Variants in LEPR observed in about 807,000 individuals in gnomAD.
LEPR encodes leptin receptor, also known as OB receptor.
LEPR carries 56 observed loss-of-function variants against 114.7 expected under a neutral mutation model. The ratio of observed to expected loss-of-function variants is 0.49; its 90% CI spans 0.39 to 0.61. LEPR has a LOEUF of 0.61. Among genes scored for constraint, LEPR ranks in the 20% least tolerant of loss-of-function variants. LEPR has a pLI of 0.00. For synonymous variants in LEPR, 443 were observed against 461.4 expected (o/e 0.96, Z 0.51); for missense variants, 1,202 against 1,352.9 (o/e 0.89, Z 1.75).
At chr1:65,450,246 T>C (rs926066227) in intron 2 of LEPR, among the ~76,000 whole-genome samples, 7 of 152,170 alleles carry the variant, frequency 4.6e-5, no homozygotes, top group African/African-American at 1.7e-4. Context: ...CATAGATTTT[T>C]TTTTTGTTCC....
intron 2 of LEPR, among the ~76,000 whole-genome samples, chr1:65,550,039 C>T (rs907007478): frequency 6.7e-4 from 102 of 152,302 alleles, no homozygotes; most frequent in African/African-American, 2.4e-3. Context: ...ACAGACAGGA[C>T]CCTCAGCTGC....
intron 4 of LEPR, among the ~76,000 whole-genome samples, chr1:65,571,509 C>T (rs954083243): frequency 1.3e-5 from 2 of 151,968 alleles, no homozygotes; most frequent in Admixed American, 1.3e-4. Context: ...TCAATTGACT[C>T]ATCCATGTAG....
At chr1:65,598,550 C>A in intron 7 of LEPR, 110 bp from the exon 8 acceptor site, 1 of 1,476,808 alleles carries the variant, frequency 6.8e-7, no homozygotes, top group Non-Finnish European at 9.2e-7. Context: ...CAGATAACTA[C>A]TGTGTAAGAT....
chr1:65,490,891 A>G (rs1323600471), intron 2 of LEPR, among the ~76,000 whole-genome samples: 1 of 152,144 alleles, frequency 6.6e-6, no homozygotes, highest in Non-Finnish European at 1.5e-5. Flanking sequence ...AGAAGGAGAA[A>G]GAACTGTGAC....
intron 2 of LEPR, among the ~76,000 whole-genome samples, chr1:65,474,362 G>A (rs1189921291): frequency 1.3e-5 from 2 of 152,110 alleles, no homozygotes; most frequent in Non-Finnish European, 2.9e-5. Context: ...TTAAAACTGA[G>A]CAAATATTTG....
Position 65,484,448 on chromosome 1 carries a change from G to C in LEPR, c.-21+59070G>C, listed in dbSNP as rs1570538143. On this transcript the variant is annotated intron_variant, in intron 2 of 19. Coordinates refer to ENST00000349533, the MANE Select transcript of LEPR (RefSeq NM_002303.6). ...CACTTGTTTTTTAAACTAATGATTTGCTTTCAAGTCAGTGTTGTCACACGT... is the reference window on the plus strand; with the variant it reads ...CACTTGTTTTTTAAACTAATGATTTCCTTTCAAGTCAGTGTTGTCACACGT... Among the ~76,000 whole-genome samples the C allele has an allele frequency of 1.3e-5, 2 of 151,628 alleles. 1 individual carries two copies. The highest frequency in any genetic ancestry group is 4.2e-4 in the South Asian group (2 of 4,798).
At chr1:65,469,972 G>A (rs1485147399) in intron 2 of LEPR, among the ~76,000 whole-genome samples, 2 of 151,562 alleles carry the variant, frequency 1.3e-5, no homozygotes, top group Non-Finnish European at 1.5e-5. Context: ...AGAGTCAGCC[G>A]GGAAGCCTTC....
chr1:65,607,426 C>T lies in LEPR; in HGVS notation c.1604-1327C>T, dbSNP rs533354881. Among the ~76,000 whole-genome samples the T allele has an allele frequency of 3.3e-5, 5 of 152,242 alleles. No individual in the cohort carries two copies. The South Asian group carries it at 8.3e-4, about 25-fold the overall frequency. On this transcript the variant is annotated intron_variant, in intron 11 of 19. Transcript: ENST00000349533. ...AGGCATTGACCTTTTAGGTTCTGAGCCGTGGGCAGGTGTGGAGGGCATCCA... is the reference window on the plus strand; with the variant it reads ...AGGCATTGACCTTTTAGGTTCTGAGTCGTGGGCAGGTGTGGAGGGCATCCA...
In LEPR at chr1:65,442,173, A is replaced by G. The variant is rs1413543182; in HGVS notation, c.-21+16795A>G. ...ATGAGACTTAAGCCCTTTTTAAAAA[A>G]ATAAAATAAAATGAAAAGGTGATTC... On this transcript the variant is annotated intron_variant, in intron 2 of 19. Transcript: ENST00000349533. Among the ~76,000 whole-genome samples the G allele has an allele frequency of 2.0e-5, 3 of 152,184 alleles. No individual in the cohort carries two copies. The East Asian group carries it at 5.8e-4, about 29-fold the overall frequency.
chr1:65,489,487 T>C (rs1647753108), intron 2 of LEPR, among the ~76,000 whole-genome samples: 1 of 152,112 alleles, frequency 6.6e-6, no homozygotes, highest in African/African-American at 2.4e-5. Context: ...TCCTATAGAG[T>C]TGTTTGAGTT....
chr1:65,454,209 A>G (rs1249204643), intron 2 of LEPR, among the ~76,000 whole-genome samples: 2 of 152,134 alleles, frequency 1.3e-5, no homozygotes, highest in Non-Finnish European at 2.9e-5. Context: ...TGAATACAGC[A>G]CACTGATGGG....
At chr1:65,488,396 G>A (rs1035199363) in intron 2 of LEPR, among the ~76,000 whole-genome samples, 1 of 145,390 alleles carries the variant, frequency 6.9e-6, no homozygotes, top group Non-Finnish European at 1.5e-5. Context: ...GCATGATTAT[G>A]GCTCACTACA....
chr1:65,517,582 C>T (rs941406002), intron 2 of LEPR, among the ~76,000 whole-genome samples: 5 of 152,256 alleles, frequency 3.3e-5, no homozygotes, highest in African/African-American at 9.6e-5. Flanking sequence ...TACTCAGTAA[C>T]ATTTTTACTC....
chr1:65,506,328 G>A (rs1460630123), intron 2 of LEPR, among the ~76,000 whole-genome samples: 1 of 152,140 alleles, frequency 6.6e-6, no homozygotes, highest in Non-Finnish European at 1.5e-5. Context: ...AATTGAAGTG[G>A]TTATTTTTGT....
intron 3 of LEPR, among the ~76,000 whole-genome samples, chr1:65,565,934 T>C (rs2100785386): frequency 6.6e-6 from 1 of 152,126 alleles, no homozygotes; most frequent in South Asian, 2.1e-4. Context: ...AAAATAGCAC[T>C]GGTCTGTACA....
At chr1:65,453,404 C>A (rs1646817326) in intron 2 of LEPR, among the ~76,000 whole-genome samples, 2 of 152,012 alleles carry the variant, frequency 1.3e-5, no homozygotes, top group Admixed American at 1.3e-4. Context: ...CCTGCTTTCT[C>A]TTGTGGGCAT....
At chr1:65,514,975 T>A (rs1487265578) in intron 2 of LEPR, among the ~76,000 whole-genome samples, 1 of 152,216 alleles carries the variant, frequency 6.6e-6, no homozygotes, top group Non-Finnish European at 1.5e-5. Context: ...TGTTTCATGA[T>A]AAAATGGAAA....
intron 6 of LEPR, among the ~76,000 whole-genome samples, chr1:65,593,672 TC>T (rs1655856505): frequency 6.6e-6 from 1 of 152,070 alleles, no homozygotes; most frequent in Non-Finnish European, 1.5e-5. Flanking sequence ...TTTACTTCTT[TC>T]TAAGTTACTC....
rs148626740 is a variant in LEPR, at chr1:65,581,641, C to G, written c.494+9192C>G. ...TTCTCTGTCTTCTCTTTGATCTTTGCTCAGAAGGCATTTCTTAATTTTAAC... is the reference window on the plus strand; with the variant it reads ...TTCTCTGTCTTCTCTTTGATCTTTGGTCAGAAGGCATTTCTTAATTTTAAC... On this transcript the variant is annotated intron_variant, in intron 5 of 19. Transcript: ENST00000349533. 1.8e-3 allele frequency among the ~76,000 whole-genome samples: 276 copies of G among 152,246 alleles called. 2 individuals carry two copies. Among genetic ancestry groups the G allele is most frequent in the African/African-American group, 6.4e-3 (267 of 41,552 alleles).
Sources: allele counts gnomAD v4.1 joint callset (sites outside exome capture counted in the v4.1 genomes callset), GRCh38; gene constraint gnomAD v4.1.1; transcripts MANE v1.5; gene names NCBI Gene and HGNC (gene_info 2026-07-23, HGNC 2026-07-21).